The following ZFAT variants were observed in gnomAD, a reference collection of about 807,000 sequenced individuals.
The protein encoded by ZFAT is zinc finger and AT-hook domain containing, also known as zinc finger protein ZFAT.
In ZFAT, 64 loss-of-function variants were observed where a neutral mutation model predicts 117.7. That is an observed-to-expected ratio of 0.54 (90% CI 0.44 to 0.67). ZFAT has a LOEUF of 0.67. ZFAT is among the 30% of genes least tolerant of loss of function. ZFAT has a pLI of 0.00. For synonymous variants in ZFAT, 679 were observed against 615.0 expected (o/e 1.10, Z -1.54); for missense variants, 1,433 against 1,584.5 (o/e 0.90, Z 1.62).
chr8:134,831,326 T>A, the ZFAT span, among the ~76,000 whole-genome samples: 1 of 152,210 alleles, frequency 6.6e-6, no homozygotes, highest in South Asian at 2.1e-4. Flanking sequence ...GAAGAACTCA[T>A]GTCAAATCAA....
intron 8 of ZFAT, 146 bp from the exon 9 acceptor site, chr8:134,588,541 A>C: frequency 1.2e-6 from 1 of 852,574 alleles, no homozygotes; most frequent in Non-Finnish European, 1.7e-6. Flanking sequence ...CTAAAAAGTA[A>C]AACCAGAACC....
the ZFAT span, among the ~76,000 whole-genome samples, chr8:134,742,976 C>T: frequency 1.3e-5 from 2 of 152,232 alleles, no homozygotes; most frequent in Non-Finnish European, 2.9e-5. Flanking sequence ...CTCAGGTCCA[C>T]GTTAGACTTG....
At chr8:134,730,555 C>A in the ZFAT span, among the ~76,000 whole-genome samples, 11 of 152,210 alleles carry the variant, frequency 7.2e-5, no homozygotes, top group African/African-American at 2.4e-4. Context: ...AATAAATAAA[C>A]GTCTCCATTC....
chr8:134,511,348 C>T (rs573578550), intron 14 of ZFAT, among the ~76,000 whole-genome samples: 36 of 152,236 alleles, frequency 2.4e-4, no homozygotes, highest in African/African-American at 8.7e-4. Flanking sequence ...TGGAAGGAAA[C>T]TCAAGTTCTG....
At chr8:134,489,771 G>A (rs2130118581) in intron 15 of ZFAT, among the ~76,000 whole-genome samples, 1 of 152,260 alleles carries the variant, frequency 6.6e-6, no homozygotes, top group African/African-American at 2.4e-5. Flanking sequence ...ATTTAAATGT[G>A]TGTAGCATAT....
chr8:134,635,928 T>C (rs1185775599), intron 3 of ZFAT, among the ~76,000 whole-genome samples: 1 of 152,156 alleles, frequency 6.6e-6, no homozygotes, highest in East Asian at 1.9e-4. Flanking sequence ...TCAGGCTCCA[T>C]TTAGGGACAG....
At chr8:134,592,235 G>A (rs958787654) in intron 7 of ZFAT, among the ~76,000 whole-genome samples, 6 of 151,922 alleles carry the variant, frequency 3.9e-5, no homozygotes, top group African/African-American at 1.5e-4. Context: ...GCTCCCCACC[G>A]GGCAGTCTAC....
At chr8:134,685,937 G>A (rs1468497412) in intron 1 of ZFAT, among the ~76,000 whole-genome samples, 1 of 152,206 alleles carries the variant, frequency 6.6e-6, no homozygotes, top group Non-Finnish European at 1.5e-5. Context: ...CGAGTTAAGT[G>A]GGCCAGGTAG....
the ZFAT span, chr8:134,796,772 G>T: frequency 2.0e-5 from 3 of 152,136 alleles, no homozygotes; most frequent in African/African-American, 4.8e-5. Context: ...GAAGCACAAA[G>T]ATTCTCCACA....
chr8:134,709,850 G>T (rs1586979048), intron 1 of ZFAT, among the ~76,000 whole-genome samples: 3 of 152,240 alleles, frequency 2.0e-5, no homozygotes, highest in Admixed American at 2.0e-4. Flanking sequence ...GGAGCACTGC[G>T]GTAAGACGGC....
chr8:134,595,318 T>A (rs1826844823), intron 7 of ZFAT, among the ~76,000 whole-genome samples: 1 of 152,226 alleles, frequency 6.6e-6, no homozygotes, highest in Non-Finnish European at 1.5e-5. Context: ...ATCACTAAAC[T>A]GATTTCACGA....
chr8:134,640,880 A>C lies in ZFAT; in HGVS notation c.197-3168T>G, dbSNP rs187458012. ...AGAGCTGAGAATCTTGGGACTGGGC[A>C]AGGAAAATCATGTAACCTCTAAATC... is the stretch of plus-strand genomic sequence containing the variant. On this transcript the variant is annotated intron_variant, in intron 2 of 15. Transcript: ENST00000377838. Among the ~76,000 whole-genome samples, 3 of 152,318 alleles carry C rather than the reference A, an allele frequency of 2.0e-5. No homozygotes were observed. In the East Asian group the frequency reaches 5.8e-4, roughly 29 times the overall value.
chr8:134,751,532 A>G, the ZFAT span, among the ~76,000 whole-genome samples: 1 of 152,224 alleles, frequency 6.6e-6, no homozygotes, highest in East Asian at 1.9e-4. Context: ...CTATTAGAAG[A>G]GAACACTACA....
the ZFAT span, among the ~76,000 whole-genome samples, chr8:134,731,139 C>G: frequency 4.6e-5 from 7 of 152,352 alleles, no homozygotes; most frequent in Admixed American, 6.5e-5. Context: ...CCCTCAGACA[C>G]TGCATGTGGG....
Position 134,601,710 on chromosome 8 carries a change from G to T in ZFAT, c.2009C>A (p.Pro670His), listed in dbSNP as rs868034618. ...TGGGTTTGACCTGAGACACCTGCTGGGATCTGGGTCACCAGCTGAAAGCAC... is the reference window on the plus strand; with the variant it reads ...TGGGTTTGACCTGAGACACCTGCTGTGATCTGGGTCACCAGCTGAAAGCAC... ...MAVLSAGDPD[P>H]SRCLRSNPAE... The change falls in exon 6 of 16, where the codon CCC becomes CAC. Residue 670 changes from proline (P) to histidine (H), a missense_variant. Coordinates refer to ENST00000377838, the MANE Select transcript of ZFAT (RefSeq NM_020863.4). 6.2e-7 allele frequency: 1 copy of T among 1,612,970 alleles called. No individual in the cohort carries two copies. Among genetic ancestry groups the T allele is most frequent in the Non-Finnish European group, 8.5e-7 (1 of 1,179,370 alleles).
chr8:134,537,881 G>T (rs1586666308), intron 11 of ZFAT, among the ~76,000 whole-genome samples: 2 of 152,198 alleles, frequency 1.3e-5, no homozygotes, highest in African/African-American at 4.8e-5. Context: ...GGAGGAGATG[G>T]AGCCTCTAGG....
At chr8:134,712,738 CG>C in intron 1 of ZFAT, 106 bp downstream of exon 1, 1 of 1,140,574 alleles carries the variant, frequency 8.8e-7, no homozygotes, top group Non-Finnish European at 1.2e-6. Flanking sequence ...GGCCGGCGGC[CG>C]GCGGCCGGCG....
intron 15 of ZFAT, among the ~76,000 whole-genome samples, chr8:134,500,501 C>A (rs1454185874): frequency 6.6e-6 from 1 of 152,074 alleles, no homozygotes; most frequent in African/African-American, 2.4e-5. Context: ...TCTCATATGG[C>A]CACAGATATA....
intron 15 of ZFAT, among the ~76,000 whole-genome samples, chr8:134,486,696 G>A (rs990031282): frequency 3.3e-5 from 5 of 152,144 alleles, no homozygotes; most frequent in Non-Finnish European, 7.3e-5. Context: ...GGAGGAGGAC[G>A]GAATGCAGAA....
Sources: gnomAD v4.1 joint callset for allele counts (sites outside exome capture counted in the v4.1 genomes callset) on GRCh38, gnomAD v4.1.1 for gene constraint, MANE v1.5 for transcripts, NCBI Gene and HGNC (gene_info 2026-07-23, HGNC 2026-07-21) for gene names.